The following LGALS16 variants were observed in gnomAD, a reference collection of about 807,000 sequenced individuals.
LGALS16 encodes galectin-16.
A neutral mutation model predicts 13.2 loss-of-function variants in LGALS16; 15 were observed. The observed-to-expected ratio is 1.13, with a 90% confidence interval of 0.76 to 1.75. The LOEUF is 1.75. Among genes scored for constraint, LGALS16 ranks in the 40% most tolerant of loss-of-function variants. The probability of loss-of-function intolerance (pLI) is 0.00; values close to 1 mark genes in which losing one functional copy is unlikely to be tolerated. For missense variants in LGALS16, 198 were observed against 178.4 expected (o/e 1.11, Z -0.63); for synonymous variants, 66 against 65.4 (o/e 1.01, Z -0.05).
rs1973190472 is a variant in LGALS16, at chr19:39,655,982, T to C, written c.15+6T>C. 1 of 1,613,320 alleles carries C rather than the reference T, an allele frequency of 6.2e-7. No individual in the cohort carries two copies. Among genetic ancestry groups the C allele is most frequent in the African/African-American group, 1.3e-5 (1 of 74,906 alleles). ...GGACAATGTCATTTCTAACTGTGAGTTGAAAAGGCACAGCCTTCAATAATC... is the reference window on the plus strand; with the variant it reads ...GGACAATGTCATTTCTAACTGTGAGCTGAAAAGGCACAGCCTTCAATAATC... On this transcript the variant is annotated splice_donor_region_variant and intron_variant, in intron 1 of 3. Transcript: ENST00000392051.
intron 1 of LGALS16, among the ~76,000 whole-genome samples, chr19:39,657,661 A>G (rs1040580246): frequency 6.6e-5 from 10 of 152,190 alleles, no homozygotes; most frequent in African/African-American, 2.4e-4. Flanking sequence ...AAGAGGCAGA[A>G]TGAGGACTGG....
intron 2 of LGALS16, among the ~76,000 whole-genome samples, chr19:39,658,173 T>G (rs1973216646): frequency 6.6e-6 from 1 of 152,044 alleles, no homozygotes; most frequent in Admixed American, 6.5e-5. Context: ...GAATACTCAG[T>G]GGGTTGGGAC....
rs756572393 is a variant in LGALS16 at position 39,657,993 on chromosome 19, G to A, written c.92+34G>A. 6 of 1,607,350 alleles carry A rather than the reference G, an allele frequency of 3.7e-6. No individual in the cohort carries two copies. The East Asian group carries it at 8.9e-5, about 24-fold the overall frequency. On this transcript the variant is annotated intron_variant, in intron 2 of 3. Coordinates refer to ENST00000392051, the MANE Select transcript of LGALS16 (RefSeq NM_001190441.3). The stretch of plus-strand genomic sequence containing the variant: ...TCCATGGTCCAATGGAGGGGGTGGA[G>A]GAGAAAGGAGAATATTTGCTAAGAG...
At position 39,658,552 on chromosome 19, in the gene LGALS16, T is replaced by G. The variant is rs1333945884; in HGVS notation, c.185T>G (p.Val62Gly). ...FHLRVHLGRR[V>G]VMNSREFGIW... Reference sequence around the variant, plus strand: ...TTGCGAGTGCACTTAGGCCGTCGTGTGGTCATGAACAGTCGTGAGTTTGGG... The same window carrying G: ...TTGCGAGTGCACTTAGGCCGTCGTGGGGTCATGAACAGTCGTGAGTTTGGG... The change falls in exon 3 of 4, where the codon GTG becomes GGG. Residue 62 changes from valine to glycine, a missense_variant. Val to Gly is a moderately radical substitution (Grantham distance 109). Transcript: ENST00000392051. The G allele has an allele frequency of 5.0e-6, 8 of 1,608,804 alleles. No homozygotes were observed. The highest frequency in any genetic ancestry group is 6.8e-6 in the Non-Finnish European group (8 of 1,178,998).
rs1238384315 is a variant in LGALS16, at chr19:39,658,687, C to A, written c.303+17C>A. 4.0e-6 allele frequency: 6 copies of A among 1,505,918 alleles called. No homozygotes were observed. In the African/African-American group the frequency reaches 8.3e-5, roughly 21 times the overall value. 93.3% of individuals were successfully genotyped at this position (1,505,918 alleles called of 1,614,324 possible). ...GAGTATGAGGTGAGCACCCCAGGAG[C>A]TCGCAGTACCCAGGCTCTTTGGGAT... On this transcript the variant is annotated intron_variant, in intron 3 of 3. Coordinates refer to ENST00000392051, the MANE Select transcript of LGALS16 (RefSeq NM_001190441.3).
rs1278003879 is a variant in LGALS16 at position 39,658,540 on chromosome 19, T to C, written c.173T>C (p.Leu58Ser). ...ATTGCCTTCCATTTGCGAGTGCACTTAGGCCGTCGTGTGGTCATGAACAGT... is the reference window on the plus strand; with the variant it reads ...ATTGCCTTCCATTTGCGAGTGCACTCAGGCCGTCGTGTGGTCATGAACAGT... ...SEIAFHLRVH[L>S]GRRVVMNSRE... Residue 58 changes from leucine (L) to serine (S), a missense_variant, in exon 3 of 4, where the codon TTA (leucine) becomes TCA (serine). Coordinates refer to ENST00000392051, the MANE Select transcript of LGALS16 (RefSeq NM_001190441.3). 3.1e-6 allele frequency: 5 copies of C among 1,608,194 alleles called. No homozygotes were observed. Among genetic ancestry groups the C allele is most frequent in the Non-Finnish European group, 4.2e-6 (5 of 1,178,654 alleles).
chr19:39,657,789 G>C (rs1973210451), intron 1 of LGALS16, 94 bp from the exon 2 acceptor site: 1 of 1,407,334 alleles, frequency 7.1e-7, no homozygotes, highest in Non-Finnish European at 9.9e-7. Flanking sequence ...AGCCTGCCCT[G>C]TGATCTCTAA....
chr19:39,660,538 G>A lies in LGALS16; in HGVS notation c.*18G>A. Reference sequence around the variant, plus strand: ...GGAGATGATCACACTCCTCATTGTTGAGGAAACCCTCTTTCTACCTGACCA... The same window carrying A: ...GGAGATGATCACACTCCTCATTGTTAAGGAAACCCTCTTTCTACCTGACCA... On this transcript the variant is annotated 3_prime_UTR_variant, in exon 4 of 4. Coordinates refer to ENST00000392051, the MANE Select transcript of LGALS16 (RefSeq NM_001190441.3). 1 of 1,549,696 alleles carries A rather than the reference G, an allele frequency of 6.5e-7. No homozygotes were observed. Among genetic ancestry groups the A allele is most frequent in the South Asian group, 1.2e-5 (1 of 85,010 alleles).
intron 1 of LGALS16, among the ~76,000 whole-genome samples, chr19:39,656,930 AG>A (rs1973201245): frequency 6.6e-6 from 1 of 151,848 alleles, no homozygotes; most frequent in Admixed American, 6.6e-5. Context: ...TGAAGGAACA[AG>A]TCTAGTCTCA....
chr19:39,657,551 A>G (rs971166047), intron 1 of LGALS16, among the ~76,000 whole-genome samples: 2 of 152,128 alleles, frequency 1.3e-5, no homozygotes, highest in Admixed American at 1.3e-4. Context: ...TAACTGCTCT[A>G]TTATGGAGAA....
chr19:39,657,772 T>C, intron 1 of LGALS16, 111 bp from the exon 2 acceptor site: 1 of 1,166,606 alleles, frequency 8.6e-7, no homozygotes, highest in Admixed American at 1.9e-5. Context: ...ATGGGGAGAG[T>C]CCACAGAGCC....
chr19:39,658,614 T>C lies in LGALS16; in HGVS notation c.247T>C (p.Phe83Leu), dbSNP rs556222718. The change falls in exon 3 of 4, where the codon TTT becomes CTT. Residue 83 changes from phenylalanine to leucine, a missense_variant. Coordinates refer to ENST00000392051, the MANE Select transcript of LGALS16 (RefSeq NM_001190441.3). Reference protein sequence around the residue: ...MLEENLHYVPFEDGKPFDLRI... With the variant: ...MLEENLHYVPLEDGKPFDLRI... Reference sequence around the variant, plus strand: ...GGAGGAGAATTTACACTATGTGCCCTTTGAGGATGGCAAACCATTTGACTT... The same window carrying C: ...GGAGGAGAATTTACACTATGTGCCCCTTGAGGATGGCAAACCATTTGACTT... 28 of 1,604,362 alleles carry C rather than the reference T, an allele frequency of 1.7e-5. No individual in the cohort carries two copies. In the African/African-American group the frequency reaches 3.7e-4, roughly 21 times the overall value.
chr19:39,658,323 C>G lies in LGALS16; in HGVS notation c.93-137C>G. ...AGGGGGCACGAGGAGCTGAAGCATC[C>G]CCACAGGGACCAGGCCTGCAGTATC... On this transcript the variant is annotated intron_variant, in intron 2 of 3. Coordinates refer to ENST00000392051, the MANE Select transcript of LGALS16 (RefSeq NM_001190441.3). 6.6e-6 allele frequency: 5 copies of G among 758,290 alleles called. No individual in the cohort carries two copies. The South Asian group carries it at 8.4e-5, about 13-fold the overall frequency. The allele number at this position is 758,290 out of a possible 1,614,324, so 47.0% of individuals were successfully genotyped here.
At chr19:39,657,671 G>A (rs1973208709) in intron 1 of LGALS16, among the ~76,000 whole-genome samples, 2 of 152,138 alleles carry the variant, frequency 1.3e-5, no homozygotes, top group South Asian at 2.1e-4. Context: ...ATGAGGACTG[G>A]AATCCAGGCT....
chr19:39,656,548 T>C (rs930581408), intron 1 of LGALS16, among the ~76,000 whole-genome samples: 2 of 152,166 alleles, frequency 1.3e-5, no homozygotes, highest in Non-Finnish European at 2.9e-5. Flanking sequence ...TGTCTTTTCA[T>C]GTGTGGCAAT....
intron 2 of LGALS16, among the ~76,000 whole-genome samples, chr19:39,658,255 A>G (rs1399861793): frequency 6.6e-6 from 1 of 152,106 alleles, no homozygotes; most frequent in East Asian, 1.9e-4. Flanking sequence ...AGTGACTGTG[A>G]TTCAGTTTTC....
chr19:39,658,524 C>T lies in LGALS16; in HGVS notation c.157C>T (p.His53Tyr), dbSNP rs1478129963. 1 of 1,607,630 alleles carries T rather than the reference C, an allele frequency of 6.2e-7. No homozygotes were observed. Among genetic ancestry groups the T allele is most frequent in the East Asian group, 2.2e-5 (1 of 44,660 alleles). ...EMNEDSEIAF[H>Y]LRVHLGRRVV... ...GAATGAGGACTCAGAAATTGCCTTC[C>T]ATTTGCGAGTGCACTTAGGCCGTCG... The change falls in exon 3 of 4, where the codon CAT becomes TAT. Residue 53 changes from histidine (H) to tyrosine (Y), a missense_variant. Transcript: ENST00000392051.
chr19:39,656,375 G>T (rs1973195115), intron 1 of LGALS16, among the ~76,000 whole-genome samples: 1 of 152,142 alleles, frequency 6.6e-6, no homozygotes, highest in South Asian at 2.1e-4. Context: ...CTTTATGTGC[G>T]CAGTGAGCAG....
In LGALS16 at chr19:39,658,677, A is replaced by C; in HGVS notation, c.303+7A>C. 6.5e-7 allele frequency: 1 copy of C among 1,546,282 alleles called. No homozygotes were observed. Among genetic ancestry groups the C allele is most frequent in the Non-Finnish European group, 8.7e-7 (1 of 1,143,764 alleles). The stretch of plus-strand genomic sequence containing the variant: ...GTGTCACAATGAGTATGAGGTGAGC[A>C]CCCCAGGAGCTCGCAGTACCCAGGC... On this transcript the variant is annotated splice_region_variant and intron_variant, in intron 3 of 3. Transcript: ENST00000392051.
Sources: allele counts gnomAD v4.1 joint callset (sites outside exome capture counted in the v4.1 genomes callset), GRCh38; gene constraint gnomAD v4.1.1; transcripts MANE v1.5; gene names NCBI Gene and HGNC (gene_info 2026-07-23, HGNC 2026-07-21).